The following CHAF1B variants were observed in gnomAD, a reference collection of about 807,000 sequenced individuals.
CHAF1B encodes the protein chromatin assembly factor 1 subunit B.
Under a neutral mutation model 60.7 loss-of-function variants are expected in CHAF1B, and 10 were observed. The ratio of observed to expected loss-of-function variants is 0.16; its 90% CI spans 0.10 to 0.28. The LOEUF (loss-of-function observed/expected upper bound fraction) is 0.28. CHAF1B is among the 10% of genes least tolerant of loss of function. The pLI is 1.00. For missense variants in CHAF1B, 558 were observed against 708.4 expected, an observed-to-expected ratio of 0.79 and a Z score of 2.41; for synonymous variants, 261 against 266.1, an observed-to-expected ratio of 0.98 and a Z score of 0.19.
chr21:36,389,292 G>T (rs1051319458), intron 3 of CHAF1B, among the ~76,000 whole-genome samples: 1 of 152,034 alleles, frequency 6.6e-6, no homozygotes, highest in African/African-American at 2.4e-5. Flanking sequence ...TGCTTAAATG[G>T]GATAAAACTA....
intron 6 of CHAF1B, 128 bp downstream of exon 6, chr21:36,397,639 C>T (rs1444059174): frequency 2.5e-6 from 1 of 394,170 alleles, no homozygotes; most frequent in African/African-American, 2.1e-5. Context: ...TTCTTGTTTT[C>T]ATACTCATTC....
At chr21:36,396,196 G>T (rs1322396932) in intron 5 of CHAF1B, among the ~76,000 whole-genome samples, 1 of 150,830 alleles carries the variant, frequency 6.6e-6, no homozygotes, top group Non-Finnish European at 1.5e-5. Context: ...GATGGGGTTT[G>T]CCCATGTTGG....
chr21:36,408,014 T>TTAA (rs771653029), intron 8 of CHAF1B, among the ~76,000 whole-genome samples: 3 of 152,094 alleles, frequency 2.0e-5, no homozygotes, highest in Admixed American at 6.6e-5. Context: ...GTAGAATGTA[T>TTAA]TAATAATAAT....
intron 10 of CHAF1B, 122 bp from the exon 11 acceptor site, chr21:36,411,341 T>A (rs1425622397): frequency 1.7e-6 from 2 of 1,172,668 alleles, no homozygotes; most frequent in East Asian, 4.7e-5. Flanking sequence ...CTCAAACTCC[T>A]GAGCTCAAGT....
intron 9 of CHAF1B, 36 bp from the exon 10 acceptor site, chr21:36,409,338 C>A: frequency 6.5e-7 from 1 of 1,540,498 alleles, no homozygotes. Flanking sequence ...TGCTTAGTCA[C>A]AGTGCCTTTT....
At chr21:36,390,945 C>T (rs188938581) in intron 3 of CHAF1B, among the ~76,000 whole-genome samples, 1 of 152,274 alleles carries the variant, frequency 6.6e-6, no homozygotes, top group Non-Finnish European at 1.5e-5. Flanking sequence ...CGTGAGCCAC[C>T]CCACCCTGCC....
At position 36,389,835 on chromosome 21, in the gene CHAF1B, G is replaced by A. The variant is rs192391465; in HGVS notation, c.260-1716G>A. 7.6e-4 allele frequency among the ~76,000 whole-genome samples: 113 copies of A among 149,088 alleles called. 3 individuals are homozygous for A. Among genetic ancestry groups the A allele is most frequent in the African/African-American group, 2.7e-3 (107 of 39,712 alleles). ...CGCTGATTTGTAGAGGGAAAAGTGG[G>A]GAGCAGGAGCGCCACCTGGGGGTGG... On this transcript the variant is annotated intron_variant, in intron 3 of 13. Transcript: ENST00000314103.
At position 36,415,297 on chromosome 21, in the gene CHAF1B, G is replaced by T; in HGVS notation, c.1496G>T (p.Arg499Ile). ...TACTTTTTTTTTTTTAAATCAAGGA[G>T]AATAAACTTAACACCCTTAAAGACG... is the stretch of plus-strand genomic sequence containing the variant. ...LQAWSKTTPR[R>I]INLTPLKTDT... The change falls in exon 13 of 14, where the codon AGA (arginine) becomes ATA (isoleucine). Residue 499 changes from arginine (R) to isoleucine (I), a missense_variant and splice_region_variant. This residue lies in a region of CHAF1B where 233 missense variants were observed against 214.9 expected (regional missense o/e 1.08). Transcript: ENST00000314103. The T allele has an allele frequency of 6.3e-7, 1 of 1,595,660 alleles. No individual in the cohort carries two copies. The highest frequency in any genetic ancestry group is 2.2e-5 in the East Asian group (1 of 44,744).
At chr21:36,415,974 G>A in intron 13 of CHAF1B, 1 of 336,662 alleles carries the variant, frequency 3.0e-6, no homozygotes, top group South Asian at 2.7e-5. Context: ...GGCTGGTCTT[G>A]AACTCCTGGC....
chr21:36,404,465 GC>G (rs1821744128), intron 8 of CHAF1B, among the ~76,000 whole-genome samples: 1 of 139,714 alleles, frequency 7.2e-6, no homozygotes. Flanking sequence ...ATGGAGTTTC[GC>G]TCTTGTTACC....
chr21:36,415,648 T>C, intron 13 of CHAF1B: 1 of 510,840 alleles, frequency 2.0e-6, no homozygotes, highest in Non-Finnish European at 3.5e-6. Flanking sequence ...TGATGACTGC[T>C]GACCTTGTGG....
intron 4 of CHAF1B, among the ~76,000 whole-genome samples, chr21:36,393,600 C>T (rs928301477): frequency 2.0e-5 from 3 of 151,640 alleles, no homozygotes; most frequent in Non-Finnish European, 2.9e-5. Flanking sequence ...TACAGGCCTG[C>T]ACCACTATGC....
rs1569120727 is a variant in CHAF1B at position 36,391,646 on chromosome 21, T to C, written c.355T>C (p.Trp119Arg). ...EDEAQLNKEN[W>R]TVVKTLRGHL... is the part of the protein sequence containing the mutation. ...CGAGGCCCAGCTGAACAAGGAGAACTGGACGGTTGTGAAGACTCTGCGGTA... is the reference window on the plus strand; with the variant it reads ...CGAGGCCCAGCTGAACAAGGAGAACCGGACGGTTGTGAAGACTCTGCGGTA... The change falls in exon 4 of 14, where the codon TGG (tryptophan) becomes CGG (arginine). Residue 119 changes from tryptophan (W) to arginine (R), a missense_variant. By Grantham distance (101) the Trp-to-Arg change is moderately radical (BLOSUM62 -3). Around this residue, in one of 2 missense-constraint regions of CHAF1B, gnomAD observed 325 missense variants for 493.5 expected, o/e 0.66. Transcript: ENST00000314103. 1 of 1,612,320 alleles carries C rather than the reference T, an allele frequency of 6.2e-7. No individual in the cohort carries two copies. Among genetic ancestry groups the C allele is most frequent in the Admixed American group, 1.7e-5 (1 of 59,970 alleles).
At chr21:36,395,273 C>G (rs2086127780) in intron 5 of CHAF1B, among the ~76,000 whole-genome samples, 1 of 152,058 alleles carries the variant, frequency 6.6e-6, no homozygotes, top group African/African-American at 2.4e-5. Flanking sequence ...GTCTCTATCT[C>G]TTGACCTCAG....
intron 7 of CHAF1B, among the ~76,000 whole-genome samples, chr21:36,400,975 A>G (rs1192950433): frequency 2.0e-5 from 3 of 152,012 alleles, no homozygotes; most frequent in Non-Finnish European, 4.4e-5. Flanking sequence ...TGAAGTAAGA[A>G]TAGTAATGCT....
intron 13 of CHAF1B, 23 bp downstream of exon 13, chr21:36,415,412 T>G: frequency 2.2e-6 from 3 of 1,371,384 alleles, no homozygotes; most frequent in Non-Finnish European, 1.0e-6. Flanking sequence ...GTTACTGGTT[T>G]AATATAATGA....
At chr21:36,399,672 T>A (rs2086171351) in intron 7 of CHAF1B, 67 bp downstream of exon 7, 4 of 1,278,816 alleles carry the variant, frequency 3.1e-6, no homozygotes, top group Non-Finnish European at 4.5e-6. Context: ...CATGAGCTCC[T>A]CCCATACCCT....
intron 10 of CHAF1B, among the ~76,000 whole-genome samples, chr21:36,409,980 T>C (rs922753903): frequency 6.6e-6 from 1 of 151,968 alleles, no homozygotes; most frequent in African/African-American, 2.4e-5. Flanking sequence ...TTTTTTTTTT[T>C]TGAGATGGGG....
At chr21:36,396,623 C>T (rs1375643144) in intron 5 of CHAF1B, among the ~76,000 whole-genome samples, 1 of 150,306 alleles carries the variant, frequency 6.7e-6, no homozygotes, top group Non-Finnish European at 1.5e-5. Context: ...CACTGCACTC[C>T]AGCCTGGGCA....
Sources: allele counts gnomAD v4.1 joint callset (sites outside exome capture counted in the v4.1 genomes callset), GRCh38; gene constraint gnomAD v4.1.1; regional missense constraint gnomAD v4.1.1; transcripts MANE v1.5; gene names NCBI Gene and HGNC (gene_info 2026-07-23, HGNC 2026-07-21).